AP3S2: variants seen among roughly 807,000 people sequenced by gnomAD.
The protein encoded by AP3S2 is adaptor related protein complex 3 subunit sigma 2, also known as AP-3 complex subunit sigma-2.
AP3S2 carries 22 observed loss-of-function variants against 23.4 expected under a neutral mutation model. The observed-to-expected ratio is 0.94, with a 90% CI of 0.67 to 1.34. The LOEUF (loss-of-function observed/expected upper bound fraction) is 1.34, where lower values mean the gene tolerates loss of function less well. AP3S2 is among the 40% of genes most tolerant of loss of function. AP3S2 has a pLI of 0.00. For missense variants in AP3S2, 241 were observed against 236.9 expected, an observed-to-expected ratio of 1.02 and a Z score of -0.11; for synonymous variants, 86 against 87.1, an observed-to-expected ratio of 0.99 and a Z score of 0.07.
At chr15:89,872,496 A>T (rs557981614) in intron 3 of AP3S2, among the ~76,000 whole-genome samples, 2 of 152,346 alleles carry the variant, frequency 1.3e-5, no homozygotes, top group East Asian at 3.9e-4. Flanking sequence ...TGAACACACC[A>T]TGTAACTACA....
At chr15:89,877,808 T>C (rs1363604780) in intron 3 of AP3S2, among the ~76,000 whole-genome samples, 1 of 151,906 alleles carries the variant, frequency 6.6e-6, no homozygotes, top group Non-Finnish European at 1.5e-5. Context: ...ATAAAAAAAA[T>C]TAAAAAAAAG....
At chr15:89,848,848 G>C (rs1596192372) in intron 4 of AP3S2, 1 of 152,320 alleles carries the variant, frequency 6.6e-6, no homozygotes, top group South Asian at 2.1e-4. Flanking sequence ...TCTTGGCCCA[G>C]AGTCAGACTC....
intron 3 of AP3S2, among the ~76,000 whole-genome samples, chr15:89,872,168 A>T (rs924821770): frequency 3.3e-5 from 5 of 151,940 alleles, no homozygotes; most frequent in African/African-American, 9.7e-5. Flanking sequence ...ATAACAAATT[A>T]AAAAAACCAA....
rs563802402 is a variant in AP3S2, at chr15:89,845,211, T to C, written c.346-7489A>G. On this transcript the variant is annotated intron_variant, in intron 4 of 5. Coordinates refer to ENST00000336418, the MANE Select transcript of AP3S2 (RefSeq NM_005829.5). ...CGTGAGCCACCATGCACAGCCAGAA[T>C]AATTTTCTTTTCTCCCTCATAATTT... 4 of 152,360 alleles carry C rather than the reference T, an allele frequency of 2.6e-5. No homozygotes were observed. In the South Asian group the frequency reaches 8.3e-4, roughly 32 times the overall value. The allele number at this position is 152,360 out of a possible 1,614,324, so 9.4% of individuals were successfully genotyped here.
intron 3 of AP3S2, among the ~76,000 whole-genome samples, chr15:89,872,567 C>T (rs1456689123): frequency 3.3e-5 from 5 of 152,196 alleles, no homozygotes; most frequent in Admixed American, 3.3e-4. Flanking sequence ...TTTAAACAAT[C>T]TCATTGTCAG....
chr15:89,865,761 A>G (rs1052803176), intron 4 of AP3S2: 1 of 152,238 alleles, frequency 6.6e-6, no homozygotes, highest in African/African-American at 2.4e-5. Flanking sequence ...TTTCAAGAAT[A>G]TTCATGACAA....
At chr15:89,842,985 T>A (rs1237974714) in intron 4 of AP3S2, among the ~76,000 whole-genome samples, 1 of 151,652 alleles carries the variant, frequency 6.6e-6, no homozygotes, top group African/African-American at 2.4e-5. Flanking sequence ...CAGGTATTTC[T>A]TTTTTTCTTT....
intron 4 of AP3S2, among the ~76,000 whole-genome samples, chr15:89,838,432 C>G (rs1213444058): frequency 2.0e-5 from 3 of 152,168 alleles, no homozygotes; most frequent in Non-Finnish European, 4.4e-5. Context: ...ATCTAGCTAG[C>G]AGTCATCTAA....
At chr15:89,893,603 C>G in intron 1 of AP3S2, 17 of 479,424 alleles carry the variant, frequency 3.5e-5, no homozygotes, top group East Asian at 3.5e-5. Flanking sequence ...ACTGTCGCTT[C>G]TATCTCGTTC....
chr15:89,858,523 G>GAGAGAGAT (rs1555446558), intron 4 of AP3S2, among the ~76,000 whole-genome samples: 1 of 53,654 alleles, frequency 1.9e-5, no homozygotes. Context: ...GAGAGAGAGA[G>GAGAGAGAT]AGAAAGAAAG....
At chr15:89,870,622 G>C (rs1188146755) in intron 4 of AP3S2, among the ~76,000 whole-genome samples, 2 of 152,182 alleles carry the variant, frequency 1.3e-5, no homozygotes, top group African/African-American at 2.4e-5. Context: ...AGACAGCAAT[G>C]CTAGCAACGA....
intron 3 of AP3S2, among the ~76,000 whole-genome samples, chr15:89,874,599 A>C (rs971423194): frequency 2.0e-5 from 3 of 152,134 alleles, no homozygotes; most frequent in Non-Finnish European, 4.4e-5. Flanking sequence ...ACATAGCAAA[A>C]CATCGTCTCC....
rs571070190 is a variant in AP3S2 at position 89,865,712 on chromosome 15, G to A, written c.345+5763C>T. The stretch of plus-strand genomic sequence containing the variant: ...AATTGCACTGTTAAGAGAAATAGAT[G>A]TTTCAAGAAAATGTACAAAAATGTA... On this transcript the variant is annotated intron_variant, in intron 4 of 5. Coordinates refer to ENST00000336418, the MANE Select transcript of AP3S2 (RefSeq NM_005829.5). The A allele has an allele frequency of 2.6e-5, 4 of 152,162 alleles. No homozygotes were observed. The South Asian group carries it at 8.3e-4, about 32-fold the overall frequency. The allele number at this position is 152,162 out of a possible 1,614,324, so 9.4% of individuals were successfully genotyped here.
At chr15:89,875,499 C>A (rs138972325) in intron 3 of AP3S2, among the ~76,000 whole-genome samples, 2 of 152,308 alleles carry the variant, frequency 1.3e-5, no homozygotes, top group East Asian at 3.9e-4. Flanking sequence ...AGAGGCTGAA[C>A]TGAAGACATT....
chr15:89,846,006 C>A (rs1292153561), intron 4 of AP3S2, among the ~76,000 whole-genome samples: 1 of 152,160 alleles, frequency 6.6e-6, no homozygotes, highest in African/African-American at 2.4e-5. Context: ...GGATGAGTTT[C>A]ATCTGACATA....
Position 89,893,950 on chromosome 15 carries a change from C to CT in AP3S2, c.-2dup, listed in dbSNP as rs1312063210. 6.4e-6 allele frequency: 10 copies of CT among 1,551,372 alleles called. No homozygotes were observed. Among genetic ancestry groups the CT allele is most frequent in the Non-Finnish European group, 8.7e-6 (10 of 1,146,998 alleles). On this transcript the variant is annotated 5_prime_UTR_variant, in exon 1 of 6. Coordinates refer to ENST00000336418, the MANE Select transcript of AP3S2 (RefSeq NM_005829.5). Reference sequence around the variant, plus strand: ...TGAAAACCAGAATCGCCTGAATCATCTTTGCCAGCCACGGTTCTCTCAGCA... The same window carrying CT: ...TGAAAACCAGAATCGCCTGAATCATCTTTTGCCAGCCACGGTTCTCTCAGCA...
chr15:89,844,209 CTCTTTCTTTCTTTCTTTCTTTCTT>C (rs71151535), intron 4 of AP3S2, among the ~76,000 whole-genome samples: 170 of 129,210 alleles, frequency 1.3e-3, no homozygotes, highest in Non-Finnish European at 2.0e-3. Flanking sequence ...TTCTTTCTTT[CTCTTTCTTTCTTTCTTTCTTTCTT>C]TCTTTCTTTC....
chr15:89,853,179 A>G (rs926768523), intron 4 of AP3S2, among the ~76,000 whole-genome samples: 12 of 152,234 alleles, frequency 7.9e-5, no homozygotes, highest in Admixed American at 4.6e-4. Context: ...CAAGGGAGTT[A>G]GTAAAAAATA....
At chr15:89,891,386 C>T (rs372960203) in intron 1 of AP3S2, among the ~76,000 whole-genome samples, 3 of 152,108 alleles carry the variant, frequency 2.0e-5, no homozygotes, top group African/African-American at 7.2e-5. Flanking sequence ...GAGCTGGGTG[C>T]GGTGGCTCAC....
Sources: gnomAD v4.1 joint callset for allele counts (sites outside exome capture counted in the v4.1 genomes callset) on GRCh38, gnomAD v4.1.1 for gene constraint, MANE v1.5 for transcripts, NCBI Gene and HGNC (gene_info 2026-07-23, HGNC 2026-07-21) for gene names.